The following THADA variants were observed in gnomAD, a reference collection of about 807,000 sequenced individuals.
THADA encodes THADA armadillo repeat containing, also known as tRNA (32-2'-O)-methyltransferase regulator THADA.
A neutral mutation model predicts 219.8 loss-of-function variants in THADA; 213 were observed. The observed-to-expected ratio is 0.97, with a 90% CI of 0.87 to 1.09. The LOEUF (loss-of-function observed/expected upper bound fraction) is 1.09, where lower values mean the gene tolerates loss of function less well. THADA is among the 50% of genes least tolerant of loss of function. The pLI is 0.00. For synonymous variants in THADA, 1,018 were observed against 828.9 expected (o/e 1.23, Z -3.92); for missense variants, 2,956 against 2,311.3 (o/e 1.28, Z -5.72).
At chr2:43,326,549 A>T (rs12999818) in intron 30 of THADA, among the ~76,000 whole-genome samples, 1 of 152,194 alleles carries the variant, frequency 6.6e-6, no homozygotes, top group Non-Finnish European at 1.5e-5. Context: ...ACTCCTATCT[A>T]CAAGATATAA....
At chr2:43,297,818 A>AGGTGG (rs1675713874) in intron 31 of THADA, among the ~76,000 whole-genome samples, 1 of 68,924 alleles carries the variant, frequency 1.5e-5, no homozygotes, top group Non-Finnish European at 2.7e-5. Flanking sequence ...TCCGGGAGGG[A>AGGTGG]GGTGGGGGGG....
At chr2:43,311,439 C>G (rs930193347) in intron 31 of THADA, among the ~76,000 whole-genome samples, 3 of 152,186 alleles carry the variant, frequency 2.0e-5, no homozygotes, top group African/African-American at 7.2e-5. Flanking sequence ...GTTGCAGACT[C>G]TTTGGAAACA....
intron 26 of THADA, among the ~76,000 whole-genome samples, chr2:43,454,383 T>C (rs1682727952): frequency 6.6e-6 from 1 of 152,074 alleles, no homozygotes; most frequent in Non-Finnish European, 1.5e-5. Flanking sequence ...GGAGAATTGC[T>C]TGAGTCCAAG....
chr2:43,439,062 T>A (rs1031010758), intron 26 of THADA, among the ~76,000 whole-genome samples: 12 of 152,224 alleles, frequency 7.9e-5, no homozygotes, highest in Middle Eastern at 3.2e-3. Flanking sequence ...TGTCTCTTTC[T>A]GGTTTTTCCA....
intron 36 of THADA, among the ~76,000 whole-genome samples, chr2:43,246,684 A>C (rs535287372): frequency 2.0e-5 from 3 of 152,360 alleles, no homozygotes; most frequent in African/African-American, 7.2e-5. Context: ...ATTTATAAAC[A>C]GTGTTCAAAA....
In THADA at chr2:43,527,866, A is replaced by G. The variant is rs1170030295; in HGVS notation, c.3374+13T>C. On this transcript the variant is annotated intron_variant, in intron 22 of 37. Coordinates refer to ENST00000405975, the MANE Select transcript of THADA (RefSeq NM_022065.5). ...GTCTTTTTAAAACGTACACAAAAGG[A>G]TATTTGTTTTACCTGTTTAGTACTT... is the stretch of plus-strand genomic sequence containing the variant. The G allele has an allele frequency of 6.5e-7, 1 of 1,546,670 alleles. No homozygotes were observed. The highest frequency in any genetic ancestry group is 2.2e-5 in the East Asian group (1 of 44,458).
chr2:43,567,592 A>AGT (rs1317651297), intron 14 of THADA, among the ~76,000 whole-genome samples: 2 of 152,234 alleles, frequency 1.3e-5, no homozygotes, highest in African/African-American at 4.8e-5. Context: ...ACGCCACTGC[A>AGT]GTCTGGCCTG....
chr2:43,595,305 G>T (rs1702023410), intron 1 of THADA, among the ~76,000 whole-genome samples: 1 of 152,278 alleles, frequency 6.6e-6, no homozygotes, highest in East Asian at 1.9e-4. Flanking sequence ...AAAAATGGAC[G>T]CAGCTAGGAA....
intron 29 of THADA, among the ~76,000 whole-genome samples, chr2:43,380,826 C>T (rs1030213611): frequency 9.9e-5 from 15 of 152,042 alleles, no homozygotes; most frequent in African/African-American, 3.1e-4. Context: ...TGGCTGGATG[C>T]GGTGGCTCAC....
Position 43,514,623 on chromosome 2 carries a change from T to TA in THADA, c.3375-5844dup, listed in dbSNP as rs1558887555. 1.8e-3 allele frequency among the ~76,000 whole-genome samples: 169 copies of TA among 94,046 alleles called. 15 individuals are homozygous for TA. The highest frequency in any genetic ancestry group is 5.4e-3 in the South Asian group (19 of 3,496). The allele number at this position is 94,046 out of a possible 152,430, so 61.7% of individuals were successfully genotyped here. ...TTTTATATATATTTTATATATTTTA[T>TA]ATATATGTATATTTTATATATAATA... On this transcript the variant is annotated intron_variant, in intron 22 of 37. Transcript: ENST00000405975.
chr2:43,553,181 T>C (rs1331072893), intron 17 of THADA, among the ~76,000 whole-genome samples: 1 of 152,212 alleles, frequency 6.6e-6, no homozygotes, highest in Admixed American at 6.5e-5. Flanking sequence ...TCCCACTTTT[T>C]GGCTATTACA....
At chr2:43,415,617 G>A (rs992578806) in intron 28 of THADA, among the ~76,000 whole-genome samples, 1 of 152,218 alleles carries the variant, frequency 6.6e-6, no homozygotes, top group Non-Finnish European at 1.5e-5. Flanking sequence ...TTGGGCCAGG[G>A]TGGGTGGCCA....
intron 37 of THADA, among the ~76,000 whole-genome samples, chr2:43,232,034 G>T (rs1667486149): frequency 6.6e-6 from 1 of 152,142 alleles, no homozygotes; most frequent in Non-Finnish European, 1.5e-5. Flanking sequence ...CAAGCAGGAA[G>T]TTCCCAGCAA....
At chr2:43,334,785 A>C (rs1315486162) in intron 30 of THADA, among the ~76,000 whole-genome samples, 1 of 152,120 alleles carries the variant, frequency 6.6e-6, no homozygotes, top group Non-Finnish European at 1.5e-5. Flanking sequence ...AAAACAAAAA[A>C]AAAAACAAAA....
At chr2:43,446,761 A>T (rs1331522848) in intron 26 of THADA, among the ~76,000 whole-genome samples, 1 of 152,258 alleles carries the variant, frequency 6.6e-6, no homozygotes. Flanking sequence ...TGGAAAAGGT[A>T]ATACTAAATA....
chr2:43,472,754 C>CAA (rs142279514), intron 26 of THADA, among the ~76,000 whole-genome samples: 263 of 152,246 alleles, frequency 1.7e-3, no homozygotes, highest in African/African-American at 6.1e-3. Context: ...CATGGTATAA[C>CAA]CCATTACATA....
intron 27 of THADA, among the ~76,000 whole-genome samples, chr2:43,429,551 A>T (rs1678963782): frequency 6.6e-6 from 1 of 152,114 alleles, no homozygotes; most frequent in South Asian, 2.1e-4. Flanking sequence ...TAGTCAGCTA[A>T]TCGCTATAGT....
chr2:43,490,370 G>GTT (rs1687476152), intron 25 of THADA, among the ~76,000 whole-genome samples: 1 of 152,154 alleles, frequency 6.6e-6, no homozygotes, highest in African/African-American at 2.4e-5. Context: ...CCAGTACAAT[G>GTT]TTGAATAGGA....
Position 43,592,348 on chromosome 2 carries a change from G to A in THADA, c.45C>T (p.Thr15=), listed in dbSNP as rs180739603. ...AAGTTTCAAGGTCCTGATGGCAAATGGTCAGCGCAGCAACTTGCATTTCTT... is the reference window on the plus strand; with the variant it reads ...AAGTTTCAAGGTCCTGATGGCAAATAGTCAGCGCAGCAACTTGCATTTCTT... ...KKKEMQVAAL[T]ICHQDLETLK... The change falls in exon 2 of 38, where the codon ACC becomes ACT. Residue 15 remains threonine (T), a synonymous_variant. Transcript: ENST00000405975. 1.9e-5 allele frequency: 31 copies of A among 1,608,550 alleles called. No homozygotes were observed. The Admixed American group carries it at 3.7e-4, about 19-fold the overall frequency.
Sources: allele counts gnomAD v4.1 joint callset (sites outside exome capture counted in the v4.1 genomes callset), GRCh38; gene constraint gnomAD v4.1.1; transcripts MANE v1.5; gene names NCBI Gene and HGNC (gene_info 2026-07-23, HGNC 2026-07-21).